UTRN: variants seen among roughly 807,000 people sequenced by gnomAD.
The protein encoded by UTRN is utrophin, also known as dystrophin-related protein 1.
A neutral mutation model predicts 463.9 loss-of-function variants in UTRN; 283 were observed. That is an observed-to-expected ratio of 0.61 (90% CI 0.55 to 0.67). UTRN has a LOEUF of 0.67. UTRN is among the 30% of genes least tolerant of loss of function. The pLI, the probability that UTRN is intolerant of heterozygous loss-of-function variation, is 0.00. For synonymous variants in UTRN, 1,442 were observed against 1,431.5 expected (o/e 1.01, Z -0.17); for missense variants, 3,922 against 4,084.3 (o/e 0.96, Z 1.08).
At chr6:144,671,919 G>A (rs1235046338) in intron 51 of UTRN, among the ~76,000 whole-genome samples, 1 of 147,984 alleles carries the variant, frequency 6.8e-6, no homozygotes, top group Admixed American at 6.7e-5. Flanking sequence ...AGATGACCAT[G>A]TGATTTTTTG....
chr6:144,451,331 G>A, intron 17 of UTRN, 39 bp from the exon 18 acceptor site: 2 of 1,587,720 alleles, frequency 1.3e-6, no homozygotes, highest in Non-Finnish European at 1.7e-6. Context: ...AACAGTAGAA[G>A]GAAACATGAC....
At chr6:144,525,311 G>A (rs1211686915) in intron 41 of UTRN, among the ~76,000 whole-genome samples, 1 of 152,038 alleles carries the variant, frequency 6.6e-6, no homozygotes, top group East Asian at 1.9e-4. Flanking sequence ...AACCCATCGG[G>A]TCCTGGGCTT....
intron 2 of UTRN, among the ~76,000 whole-genome samples, chr6:144,382,917 A>G (rs1781059830): frequency 6.6e-6 from 1 of 152,102 alleles, no homozygotes; most frequent in Admixed American, 6.6e-5. Flanking sequence ...GTTATAGGAC[A>G]TGTCAGGCTT....
At chr6:144,824,781 G>GT (rs139572529) in intron 66 of UTRN, among the ~76,000 whole-genome samples, 7,399 of 146,008 alleles carry the variant, frequency 0.051, 523 homozygotes, top group African/African-American at 0.16. Flanking sequence ...GGTGGGGGGG[G>GT]GTGTCCCCCC....
At chr6:144,535,309 G>A (rs1797430970) in intron 43 of UTRN, among the ~76,000 whole-genome samples, 1 of 152,156 alleles carries the variant, frequency 6.6e-6, no homozygotes, top group African/African-American at 2.4e-5. Context: ...TGGAATTCCT[G>A]GCCTCAAGTT....
intron 51 of UTRN, among the ~76,000 whole-genome samples, chr6:144,664,405 G>T (rs1348467400): frequency 1.3e-5 from 2 of 150,676 alleles, no homozygotes; most frequent in African/African-American, 2.4e-5. Context: ...TGTTTGTTCA[G>T]TTTTCATCAC....
Position 144,291,912 on chromosome 6 carries a change from G to A in UTRN, c.79+5G>A. On this transcript the variant is annotated splice_donor_5th_base_variant and intron_variant, in intron 2 of 74. Transcript: ENST00000367545. Reference sequence around the variant, plus strand: ...ATATCATTAAGTCCAGATCTGGTAGGTAAAGGAAGCTCAAGAAAGCTATGG... The same window carrying A: ...ATATCATTAAGTCCAGATCTGGTAGATAAAGGAAGCTCAAGAAAGCTATGG... 3 of 1,604,586 alleles carry A rather than the reference G, an allele frequency of 1.9e-6. No homozygotes were observed. Among genetic ancestry groups the A allele is most frequent in the Non-Finnish European group, 2.6e-6 (3 of 1,175,900 alleles).
chr6:144,516,178 T>G (rs748555151), intron 37 of UTRN, 51 bp from the exon 38 acceptor site: 5 of 1,578,604 alleles, frequency 3.2e-6, no homozygotes, highest in Non-Finnish European at 4.3e-6. Flanking sequence ...TGATTAATGA[T>G]GGAAAGTCAA....
At chr6:144,515,717 A>T (rs1795556096) in intron 37 of UTRN, among the ~76,000 whole-genome samples, 1 of 152,218 alleles carries the variant, frequency 6.6e-6, no homozygotes, top group African/African-American at 2.4e-5. Context: ...AGTTTTATTT[A>T]AACAAATATA....
intron 65 of UTRN, among the ~76,000 whole-genome samples, chr6:144,814,850 G>A (rs1013126595): frequency 3.9e-5 from 6 of 152,058 alleles, no homozygotes; most frequent in Non-Finnish European, 8.8e-5. Flanking sequence ...CAGATTTTTG[G>A]TTTTGAAAAA....
chr6:144,495,428 G>A (rs9484881), intron 33 of UTRN, among the ~76,000 whole-genome samples: 4,339 of 152,352 alleles, frequency 0.028, 199 homozygotes, highest in African/African-American at 0.098. Flanking sequence ...GGCAGGGCCA[G>A]CCTGCTGCTC....
intron 50 of UTRN, among the ~76,000 whole-genome samples, chr6:144,565,374 C>T (rs796701290): frequency 1.4e-4 from 21 of 152,250 alleles, no homozygotes; most frequent in African/African-American, 4.8e-4. Flanking sequence ...TGTTCTGGAC[C>T]TCAGATATGA....
intron 9 of UTRN, among the ~76,000 whole-genome samples, chr6:144,430,572 G>T (rs1785711850): frequency 6.6e-6 from 1 of 152,004 alleles, no homozygotes; most frequent in Non-Finnish European, 1.5e-5. Context: ...TACTTGTTTT[G>T]GGTTGTTACT....
At position 144,700,244 on chromosome 6, in the gene UTRN, G is replaced by GA. The variant is rs1173408353; in HGVS notation, c.7809+1_7809+2insA. ...ACAGCTCCAGTATGACCATTGTAAG[G>GA]TAAGTGGATAACCTATAGTGAGTCG... On this transcript the variant is annotated splice_donor_variant, in intron 53 of 74. Coordinates refer to ENST00000367545, the MANE Select transcript of UTRN (RefSeq NM_007124.3). LOFTEE classifies it high-confidence loss of function. The GA allele has an allele frequency of 6.2e-7, 1 of 1,610,902 alleles. No individual in the cohort carries two copies. Among genetic ancestry groups the GA allele is most frequent in the African/African-American group, 1.3e-5 (1 of 74,924 alleles).
intron 1 of UTRN, among the ~76,000 whole-genome samples, chr6:144,287,945 G>T (rs1803849708): frequency 6.6e-6 from 1 of 152,178 alleles, no homozygotes; most frequent in African/African-American, 2.4e-5. Context: ...CTGTGAAGAT[G>T]GTGTTCCCTC....
intron 3 of UTRN, among the ~76,000 whole-genome samples, chr6:144,421,440 A>G (rs1037319238): frequency 1.3e-5 from 2 of 152,144 alleles, no homozygotes; most frequent in Non-Finnish European, 2.9e-5. Flanking sequence ...CTGTAATCCC[A>G]GCACTTTGGG....
chr6:144,512,771 G>C lies in UTRN; in HGVS notation c.4945-1138G>C, dbSNP rs1166454969. On this transcript the variant is annotated intron_variant, in intron 35 of 74. Transcript: ENST00000367545. The stretch of plus-strand genomic sequence containing the variant: ...GTCCAGGCTGGTCTTGAATTCCTGA[G>C]GTCAAGTGATCCTCCCATCAGGGCC... 2.0e-5 allele frequency among the ~76,000 whole-genome samples: 3 copies of C among 151,696 alleles called. No individual in the cohort carries two copies. In the East Asian group the frequency reaches 5.8e-4, roughly 29 times the overall value.
Position 144,482,278 on chromosome 6 carries a change from G to A in UTRN, c.3577G>A (p.Ala1193Thr). The stretch of plus-strand genomic sequence containing the variant: ...TCTCAAGGACAACATCAAGTTATTA[G>A]CTGCCAAGGTGCCCTCTGGTGGCCA... Reference protein sequence around the residue: ...KILKDNIKLLAAKVPSGGQEL... With the variant: ...KILKDNIKLLTAKVPSGGQEL... The change falls in exon 27 of 75, where the codon GCT becomes ACT. Residue 1193 changes from alanine (A) to threonine (T), a missense_variant. By Grantham distance (58) the Ala-to-Thr change is moderately conservative. Transcript: ENST00000367545. 6.2e-7 allele frequency: 1 copy of A among 1,609,344 alleles called. No homozygotes were observed. Among genetic ancestry groups the A allele is most frequent in the Middle Eastern group, 1.7e-4 (1 of 6,042 alleles).
intron 63 of UTRN, 190 bp from the exon 64 acceptor site, chr6:144,797,634 T>C: frequency 2.0e-6 from 1 of 507,890 alleles, no homozygotes; most frequent in Non-Finnish European, 3.2e-6. Flanking sequence ...CAATTTCTGC[T>C]TTTTCTACTC....
Sources: gnomAD v4.1 joint callset for allele counts (sites outside exome capture counted in the v4.1 genomes callset) on GRCh38, gnomAD v4.1.1 for gene constraint, MANE v1.5 for transcripts, NCBI Gene and HGNC (gene_info 2026-07-23, HGNC 2026-07-21) for gene names.